The following ITGB4 variants were observed in gnomAD, a reference collection of about 807,000 sequenced individuals.
ITGB4 encodes the protein integrin beta-4.
Under a neutral mutation model 207.6 loss-of-function variants are expected in ITGB4, and 159 were observed. The ratio of observed to expected loss-of-function variants is 0.77; its 90% CI spans 0.67 to 0.87. The LOEUF is 0.87. Ranked by LOEUF, ITGB4 falls within the 40% of genes least tolerant of loss-of-function variation. ITGB4 has a pLI of 0.00. For missense variants in ITGB4, 2,278 were observed against 2,546.8 expected, an observed-to-expected ratio of 0.89 and a Z score of 2.27; for synonymous variants, 1,020 against 1,062.7, an observed-to-expected ratio of 0.96 and a Z score of 0.78.
intron 14 of ITGB4, 32 bp from the exon 15 acceptor site, chr17:75,736,256 A>G (rs1478164763): frequency 6.2e-7 from 1 of 1,602,318 alleles, no homozygotes; most frequent in Non-Finnish European, 8.6e-7. Context: ...GATGGGGCAC[A>G]GCTGGCTCAC....
Position 75,731,665 on chromosome 17 carries a change from G to C in ITGB4, c.1216-147G>C. ...TTGTGACTGCGCTGGGAAGGAGGGA[G>C]TTTCCAGCCCTGAGGGAGGTGAGCA... On this transcript the variant is annotated intron_variant, in intron 10 of 39. Transcript: ENST00000200181. The surrounding 1 kb of genome is among the most constrained non-coding windows in gnomAD (Gnocchi z 6.8). 1.1e-6 allele frequency: 1 copy of C among 916,588 alleles called. No homozygotes were observed. Among genetic ancestry groups the C allele is most frequent in the East Asian group, 2.7e-5 (1 of 37,716 alleles). 56.8% of individuals were successfully genotyped at this position (916,588 alleles called of 1,614,324 possible). A position where few individuals can be genotyped will look rare whatever the true frequency, so the allele number is the denominator to read the frequency against.
Position 75,742,866 on chromosome 17 carries a change from A to G in ITGB4, c.2962+105A>G, listed in dbSNP as rs2061147596. 2 of 1,053,514 alleles carry G rather than the reference A, an allele frequency of 1.9e-6. No homozygotes were observed. Among genetic ancestry groups the G allele is most frequent in the African/African-American group, 3.1e-5 (2 of 63,544 alleles). 65.3% of individuals were successfully genotyped at this position (1,053,514 alleles called of 1,614,324 possible). ...CCTGGCCACGTGGCCTGGGCTAGTC[A>G]CTTAACCTCTGCAAGCCTTGGTTTC... On this transcript the variant is annotated intron_variant, in intron 25 of 39. Transcript: ENST00000200181. The surrounding 1 kb of genome is among the most constrained non-coding windows in gnomAD (Gnocchi z 5.9).
rs764349772 is a variant in ITGB4, at chr17:75,727,409, C to G, written c.168C>G (p.Phe56Leu). The G allele has an allele frequency of 4.3e-6, 7 of 1,614,058 alleles. No homozygotes were observed. The highest frequency in any genetic ancestry group is 5.1e-6 in the Non-Finnish European group (6 of 1,180,026). The change falls in exon 4 of 40, where the codon TTC becomes TTG. Residue 56 changes from phenylalanine to leucine, a missense_variant. By Grantham distance (22) the Phe-to-Leu change is conservative. Transcript: ENST00000200181. The surrounding 1 kb of genome is among the most constrained non-coding windows in gnomAD (Gnocchi z 6.0). ...KDCAYCTDEM[F>L]RDRRCNTQAE... ...CCCCCTGTCCTTCTGGCCAGATGTT[C>G]AGGGACCGGCGCTGCAACACCCAGG...
intron 26 of ITGB4, among the ~76,000 whole-genome samples, chr17:75,747,852 C>T (rs2061266934): frequency 6.6e-6 from 1 of 152,182 alleles, no homozygotes; most frequent in African/African-American, 2.4e-5. Context: ...ATGTAGGTTG[C>T]TTGCAGGCAG....
chr17:75,732,256 G>A lies in ITGB4; in HGVS notation c.1454+17G>A. 1 of 1,613,204 alleles carries A rather than the reference G, an allele frequency of 6.2e-7. No individual in the cohort carries two copies. Among genetic ancestry groups the A allele is most frequent in the Non-Finnish European group, 8.5e-7 (1 of 1,179,432 alleles). On this transcript the variant is annotated intron_variant, in intron 12 of 39. Coordinates refer to ENST00000200181, the MANE Select transcript of ITGB4 (RefSeq NM_000213.5). This position sits in a 1 kb window ranked among gnomAD's most constrained non-coding sequence, Gnocchi z 5.3. Reference sequence around the variant, plus strand: ...CGAGGGCTGGTGAGTGGGGAAGGGAGTTGGGCACCCAGGACACCAGTGGCC... The same window carrying A: ...CGAGGGCTGGTGAGTGGGGAAGGGAATTGGGCACCCAGGACACCAGTGGCC...
At chr17:75,754,426 C>T (rs2061439485) in intron 33 of ITGB4, 150 bp from the exon 34 acceptor site, 3 of 945,282 alleles carry the variant, frequency 3.2e-6, no homozygotes, top group South Asian at 2.8e-5. Flanking sequence ...GACAGAGGGC[C>T]TCTGTCCCTA....
chr17:75,740,202 T>G lies in ITGB4; in HGVS notation c.2446+131T>G, dbSNP rs2061075233. 1.6e-6 allele frequency: 2 copies of G among 1,212,488 alleles called. No homozygotes were observed. Among genetic ancestry groups the G allele is most frequent in the Non-Finnish European group, 2.3e-6 (2 of 855,878 alleles). The allele number at this position is 1,212,488 out of a possible 1,614,324, so 75.1% of individuals were successfully genotyped here. A position where few individuals can be genotyped will look rare whatever the true frequency, so the allele number is the denominator to read the frequency against. Reference sequence around the variant, plus strand: ...CAGGGCTCAGCCACCTTTTGCCCTGTGCTGATGGTGCTATGAACCTCATGC... The same window carrying G: ...CAGGGCTCAGCCACCTTTTGCCCTGGGCTGATGGTGCTATGAACCTCATGC... On this transcript the variant is annotated intron_variant, in intron 20 of 39. Coordinates refer to ENST00000200181, the MANE Select transcript of ITGB4 (RefSeq NM_000213.5). The surrounding 1 kb of genome is among the most constrained non-coding windows in gnomAD (Gnocchi z 5.9).
rs756447273 is a variant in ITGB4 at position 75,736,304 on chromosome 17, G to A, written c.1778G>A (p.Arg593His). ...IDSNGGICNG[R>H]GHCECGRCHC... The stretch of plus-strand genomic sequence containing the variant: ...CTACCCCAGGGCATCTGTAATGGAC[G>A]TGGCCACTGTGAGTGTGGCCGCTGC... Residue 593 changes from arginine to histidine, a missense_variant, in exon 15 of 40, where the codon CGT (arginine) becomes CAT (histidine). By Grantham distance (29) the Arg-to-His change is conservative (BLOSUM62 0). Coordinates refer to ENST00000200181, the MANE Select transcript of ITGB4 (RefSeq NM_000213.5). 7 of 1,613,834 alleles carry A rather than the reference G, an allele frequency of 4.3e-6. No individual in the cohort carries two copies. Among genetic ancestry groups the A allele is most frequent in the Middle Eastern group, 1.6e-4 (1 of 6,084 alleles).
At position 75,739,916 on chromosome 17, in the gene ITGB4, T is replaced by C. The variant is rs1462969801; in HGVS notation, c.2291T>C (p.Leu764Pro). The stretch of plus-strand genomic sequence containing the variant: ...GGCTTTAAGGAAGACCACTACATGC[T>C]GCGGGAGAACCTGATGGCCTCTGAC... ...MVGFKEDHYM[L>P]RENLMASDHL... Residue 764 changes from leucine (L) to proline (P), a missense_variant, in exon 20 of 40, where the codon CTG (leucine) becomes CCG (proline). Transcript: ENST00000200181. This position sits in a 1 kb window ranked among gnomAD's most constrained non-coding sequence, Gnocchi z 5.4. 3 of 1,613,428 alleles carry C rather than the reference T, an allele frequency of 1.9e-6. No individual in the cohort carries two copies. Among genetic ancestry groups the C allele is most frequent in the East Asian group, 4.5e-5 (2 of 44,874 alleles).
intron 30 of ITGB4, 78 bp downstream of exon 30, chr17:75,751,189 T>G: frequency 1.3e-6 from 2 of 1,538,274 alleles, no homozygotes; most frequent in Non-Finnish European, 1.8e-6. Flanking sequence ...GAGGGAGCTC[T>G]TGGTCACTCC....
chr17:75,741,758 A>T (rs2061114767), intron 23 of ITGB4, among the ~76,000 whole-genome samples: 1 of 151,602 alleles, frequency 6.6e-6, no homozygotes, highest in South Asian at 2.1e-4. Flanking sequence ...GTGAGCCGAG[A>T]TTGCGCCACT....
rs1473277617 is a variant in ITGB4 at position 75,727,791 on chromosome 17, C to T, written c.405C>T (p.Leu135=). The change falls in exon 5 of 40, where the codon CTC becomes CTT. Residue 135 remains leucine (L), a synonymous_variant. Transcript: ENST00000200181. The surrounding 1 kb of genome is among the most constrained non-coding windows in gnomAD (Gnocchi z 6.0). ...AGAGCCCCGTGGACCTGTACATCCT[C>T]ATGGACTTCTCCAACTCCATGTCCG... The part of the protein sequence containing the change: ...PLESPVDLYI[L]MDFSNSMSDD... The T allele has an allele frequency of 6.2e-7, 1 of 1,614,136 alleles. No homozygotes were observed. Among genetic ancestry groups the T allele is most frequent in the Non-Finnish European group, 8.5e-7 (1 of 1,180,010 alleles).
chr17:75,742,873 C>A lies in ITGB4; in HGVS notation c.2962+112C>A, dbSNP rs2061147797. 7.2e-6 allele frequency: 7 copies of A among 970,500 alleles called. No individual in the cohort carries two copies. The East Asian group carries it at 1.8e-4, about 25-fold the overall frequency. 60.1% of individuals were successfully genotyped at this position (970,500 alleles called of 1,614,324 possible). A position where few individuals can be genotyped will look rare whatever the true frequency, so the allele number is the denominator to read the frequency against. ...ACGTGGCCTGGGCTAGTCACTTAAC[C>A]TCTGCAAGCCTTGGTTTCTCCATCT... On this transcript the variant is annotated intron_variant, in intron 25 of 39. Coordinates refer to ENST00000200181, the MANE Select transcript of ITGB4 (RefSeq NM_000213.5). This position sits in a 1 kb window ranked among gnomAD's most constrained non-coding sequence, Gnocchi z 5.9.
Position 75,753,932 on chromosome 17 carries a change from GGCGGCAGCCTGCCCCGCAGT to G in ITGB4, c.4280_4299del (p.Gly1427AspfsTer138), listed in dbSNP as rs2061427847. On this transcript the variant is annotated frameshift_variant, in exon 33 of 40. Coordinates refer to ENST00000200181, the MANE Select transcript of ITGB4 (RefSeq NM_000213.5). LOFTEE classifies it high-confidence loss of function. ...GGACGACGGCGGCGCGGGCGGGAAG[GGCGGCAGCCTGCCCCGCAGT>G]GCGACACCCGGGCCCCCCGGAGGTG... is the stretch of plus-strand genomic sequence containing the variant. 1.8e-5 allele frequency: 23 copies of G among 1,283,066 alleles called. No individual in the cohort carries two copies. The highest frequency in any genetic ancestry group is 2.3e-5 in the Non-Finnish European group (23 of 1,021,336). The allele number at this position is 1,283,066 out of a possible 1,614,324, so 79.5% of individuals were successfully genotyped here.
Position 75,731,293 on chromosome 17 carries a change from C to T in ITGB4, c.1140C>T (p.Gly380=). 1 of 1,613,612 alleles carries T rather than the reference C, an allele frequency of 6.2e-7. No individual in the cohort carries two copies. Among genetic ancestry groups the T allele is most frequent in the South Asian group, 1.1e-5 (1 of 91,090 alleles). ...LDIRALDSPR[G]LRTEVTSKMF... Reference sequence around the variant, plus strand: ...TCCGGGCCCTAGACAGCCCCCGAGGCCTTCGGACAGAGGTCACCTCCAAGA... The same window carrying T: ...TCCGGGCCCTAGACAGCCCCCGAGGTCTTCGGACAGAGGTCACCTCCAAGA... The change falls in exon 10 of 40, where the codon GGC becomes GGT. Residue 380 remains glycine (G), a synonymous_variant. Coordinates refer to ENST00000200181, the MANE Select transcript of ITGB4 (RefSeq NM_000213.5). This position sits in a 1 kb window ranked among gnomAD's most constrained non-coding sequence, Gnocchi z 6.8.
chr17:75,743,212 T>G (rs1194372990), intron 25 of ITGB4, among the ~76,000 whole-genome samples: 1 of 152,080 alleles, frequency 6.6e-6, no homozygotes, highest in African/African-American at 2.4e-5. Context: ...CCAGGATGTC[T>G]GCTGGACACT....
At chr17:75,744,386 C>G (rs923874828) in intron 26 of ITGB4, among the ~76,000 whole-genome samples, 1 of 151,982 alleles carries the variant, frequency 6.6e-6, no homozygotes, top group African/African-American at 2.4e-5. Flanking sequence ...TCCCAAAGTG[C>G]TGGGATTACA....
Position 75,731,757 on chromosome 17 carries a change from G to T in ITGB4, c.1216-55G>T. On this transcript the variant is annotated intron_variant, in intron 10 of 39. Transcript: ENST00000200181. The surrounding 1 kb of genome is among the most constrained non-coding windows in gnomAD (Gnocchi z 6.8). ...GGGCCGAGGGCCTTCAGGCATCGAT[G>T]GCCCCCTGGTCCTTGGGGCTGGGCC... 1 of 1,512,600 alleles carries T rather than the reference G, an allele frequency of 6.6e-7. No individual in the cohort carries two copies. The highest frequency in any genetic ancestry group is 1.2e-5 in the South Asian group (1 of 80,402). The allele number at this position is 1,512,600 out of a possible 1,614,324, so 93.7% of individuals were successfully genotyped here.
At position 75,750,327 on chromosome 17, in the gene ITGB4, C is replaced by G. The variant is rs1018264982; in HGVS notation, c.3474+59C>G. The G allele has an allele frequency of 6.5e-7, 1 of 1,547,190 alleles. No homozygotes were observed. ...ATGGGCGGTCTGGCACCAGCACTCA[C>G]AGAAGAGGTGGGCCGTCCAAGGCCA... is the stretch of plus-strand genomic sequence containing the variant. On this transcript the variant is annotated intron_variant, in intron 28 of 39. Transcript: ENST00000200181. The surrounding 1 kb of genome is among the most constrained non-coding windows in gnomAD (Gnocchi z 5.5).
Sources: allele counts gnomAD v4.1 joint callset (sites outside exome capture counted in the v4.1 genomes callset), GRCh38; gene constraint gnomAD v4.1.1; non-coding constraint Gnocchi (gnomAD v3.1); transcripts MANE v1.5; gene names NCBI Gene and HGNC (gene_info 2026-07-23, HGNC 2026-07-21).